Variants in CACNA1I observed in about 807,000 individuals in gnomAD.
CACNA1I encodes voltage-dependent T-type calcium channel subunit alpha-1I.
A neutral mutation model predicts 201.6 loss-of-function variants in CACNA1I; 74 were observed. The ratio of observed to expected loss-of-function variants is 0.37; its 90% CI spans 0.30 to 0.45. The LOEUF (loss-of-function observed/expected upper bound fraction) is 0.45. CACNA1I is among the 20% of genes least tolerant of loss of function. The pLI is 1.00. For missense variants in CACNA1I, 2,346 were observed against 3,138.1 expected, an observed-to-expected ratio of 0.75 and a Z score of 6.03; for synonymous variants, 1,431 against 1,345.2, an observed-to-expected ratio of 1.06 and a Z score of -1.40.
Position 39,619,296 on chromosome 22 carries a change from T to A in CACNA1I, c.483-14T>A. Reference sequence around the variant, plus strand: ...CTCCAGCACCATCCCTCACTCTCTCTCCTTTCTCTGCAGGATGGTCGAGTA... The same window carrying A: ...CTCCAGCACCATCCCTCACTCTCTCACCTTTCTCTGCAGGATGGTCGAGTA... On this transcript the variant is annotated splice_polypyrimidine_tract_variant and intron_variant, in intron 3 of 36. Transcript: ENST00000402142. The A allele has an allele frequency of 1.2e-6, 2 of 1,600,490 alleles. No homozygotes were observed. Among genetic ancestry groups the A allele is most frequent in the Non-Finnish European group, 1.7e-6 (2 of 1,174,182 alleles).
intron 31 of CACNA1I, among the ~76,000 whole-genome samples, chr22:39,678,719 G>A (rs116568598): frequency 3.9e-5 from 6 of 152,148 alleles, no homozygotes; most frequent in African/African-American, 1.4e-4. Context: ...GTGGTTGGGG[G>A]TTGAGCTGAA....
At chr22:39,595,651 G>A (rs999918034) in intron 1 of CACNA1I, among the ~76,000 whole-genome samples, 10 of 151,584 alleles carry the variant, frequency 6.6e-5, no homozygotes, top group South Asian at 2.1e-4. Context: ...TTAGAATCAC[G>A]TACGATAATC....
intron 10 of CACNA1I, 147 bp from the exon 11 acceptor site, chr22:39,658,005 G>A: frequency 1.3e-6 from 1 of 778,306 alleles, no homozygotes; most frequent in East Asian, 2.5e-5. Context: ...GGCCCTCGGG[G>A]CCTTGTGCAT....
At position 39,685,899 on chromosome 22, in the gene CACNA1I, C is replaced by T. The variant is rs1219796335; in HGVS notation, c.6166C>T (p.Arg2056Trp). Reference protein sequence around the residue: ...LGPPAPAPGPRAGLSPAARRR... With the variant: ...LGPPAPAPGPWAGLSPAARRR... Reference sequence around the variant, plus strand: ...GCCGCCCGCGCCTGCTCCAGGACCCCGGGCCGGCCTGTCCCCCGCCGCTCG... The same window carrying T: ...GCCGCCCGCGCCTGCTCCAGGACCCTGGGCCGGCCTGTCCCCCGCCGCTCG... Residue 2056 changes from arginine (R) to tryptophan (W), a missense_variant, in exon 37 of 37, where the codon CGG becomes TGG. Around this residue, in one of 13 missense-constraint regions of CACNA1I, gnomAD observed 441 missense variants for 555.6 expected, o/e 0.79. Coordinates refer to ENST00000402142, the MANE Select transcript of CACNA1I (RefSeq NM_021096.4). The surrounding 1 kb of genome is among the most constrained non-coding windows in gnomAD (Gnocchi z 5.0). 1.7e-5 allele frequency: 24 copies of T among 1,404,674 alleles called. No homozygotes were observed. Among genetic ancestry groups the T allele is most frequent in the Non-Finnish European group, 2.0e-5 (22 of 1,086,326 alleles). 87.0% of individuals were successfully genotyped at this position (1,404,674 alleles called of 1,614,324 possible). A position where few individuals can be genotyped will look rare whatever the true frequency, so the allele number is the denominator to read the frequency against.
intron 16 of CACNA1I, among the ~76,000 whole-genome samples, 177 bp from the exon 17 acceptor site, chr22:39,661,788 G>T (rs1055517559): frequency 1.1e-4 from 16 of 152,270 alleles, no homozygotes; most frequent in African/African-American, 3.9e-4. Context: ...CCCTGTGGAT[G>T]TGGATGGAGT....
At chr22:39,614,169 CA>C (rs1328470320) in intron 3 of CACNA1I, among the ~76,000 whole-genome samples, 1 of 152,136 alleles carries the variant, frequency 6.6e-6, no homozygotes, top group East Asian at 1.9e-4. Context: ...CCTTCTGTCT[CA>C]GTTTCTTCAT....
intron 1 of CACNA1I, among the ~76,000 whole-genome samples, chr22:39,590,420 T>C (rs756551127): frequency 3.3e-5 from 5 of 152,130 alleles, no homozygotes; most frequent in Non-Finnish European, 5.9e-5. Flanking sequence ...CCCCACTGCA[T>C]ACAACACAGG....
intron 18 of CACNA1I, 21 bp from the exon 19 acceptor site, chr22:39,663,697 G>GCCGCC: frequency 9.5e-5 from 151 of 1,592,320 alleles, no homozygotes; most frequent in Non-Finnish European, 1.2e-4. Flanking sequence ...CGCTCAGGCA[G>GCCGCC]CCCCCGCCCA....
At chr22:39,585,393 T>C (rs1255899840) in intron 1 of CACNA1I, among the ~76,000 whole-genome samples, 3 of 139,232 alleles carry the variant, frequency 2.2e-5, no homozygotes, top group Non-Finnish European at 4.7e-5. Flanking sequence ...TTTCTTTTTT[T>C]TTTTTTTTTT....
intron 28 of CACNA1I, among the ~76,000 whole-genome samples, chr22:39,673,497 C>T (rs1288723516): frequency 6.6e-6 from 1 of 152,226 alleles, no homozygotes; most frequent in Admixed American, 6.5e-5. Context: ...CTTCTCCCTC[C>T]CCTCAAGGTA....
intron 7 of CACNA1I, among the ~76,000 whole-genome samples, chr22:39,645,810 C>A (rs375550557): frequency 3.9e-5 from 6 of 152,220 alleles, no homozygotes; most frequent in African/African-American, 1.4e-4. Flanking sequence ...GTGGAGCCCT[C>A]GGGCCACAAG....
At chr22:39,582,278 G>C (rs901185911) in intron 1 of CACNA1I, among the ~76,000 whole-genome samples, 1 of 152,094 alleles carries the variant, frequency 6.6e-6, no homozygotes, top group Non-Finnish European at 1.5e-5. Flanking sequence ...CATAAAATTG[G>C]GGTGGGGTGG....
chr22:39,683,861 G>T (rs1253868636), intron 35 of CACNA1I, among the ~76,000 whole-genome samples: 4 of 152,204 alleles, frequency 2.6e-5, no homozygotes, highest in Non-Finnish European at 5.9e-5. Context: ...TCCCACAGTA[G>T]CCCCCAGGCC....
In CACNA1I at chr22:39,687,649, CT is replaced by C. The variant is rs1935926863; in HGVS notation, c.*1245del. 6.6e-6 allele frequency: 1 copy of C among 152,356 alleles called. No homozygotes were observed. The highest frequency in any genetic ancestry group is 6.5e-5 in the Admixed American group (1 of 15,288). 9.4% of individuals were successfully genotyped at this position (152,356 alleles called of 1,614,324 possible). A position where few individuals can be genotyped will look rare whatever the true frequency, so the allele number is the denominator to read the frequency against. ...ATCTTCCCACCCCACCTGCCAGCCCCTGTCTCTCCTCCCCGCTGCCCCTAAC... is the reference window on the plus strand; with the variant it reads ...ATCTTCCCACCCCACCTGCCAGCCCCGTCTCTCCTCCCCGCTGCCCCTAAC... On this transcript the variant is annotated 3_prime_UTR_variant, in exon 37 of 37. Transcript: ENST00000402142.
rs1479958448 is a variant in CACNA1I at position 39,684,624 on chromosome 22, A to G, written c.6027+126A>G. 2 of 1,053,480 alleles carry G rather than the reference A, an allele frequency of 1.9e-6. No individual in the cohort carries two copies. Among genetic ancestry groups the G allele is most frequent in the African/African-American group, 3.2e-5 (2 of 63,330 alleles). 65.3% of individuals were successfully genotyped at this position (1,053,480 alleles called of 1,614,324 possible). A position where few individuals can be genotyped will look rare whatever the true frequency, so the allele number is the denominator to read the frequency against. ...CCAAAGGCCGAGGGCACCACCGTGC[A>G]AGGGGGTTTGGGAACGCTGGGGTGA... On this transcript the variant is annotated intron_variant, in intron 36 of 36. Coordinates refer to ENST00000402142, the MANE Select transcript of CACNA1I (RefSeq NM_021096.4). The surrounding 1 kb of genome is among the most constrained non-coding windows in gnomAD (Gnocchi z 4.6).
At chr22:39,650,021 T>A in intron 10 of CACNA1I, 96 bp downstream of exon 10, 1 of 1,327,230 alleles carries the variant, frequency 7.5e-7, no homozygotes, top group South Asian at 1.2e-5. Context: ...TGCCTGGGTT[T>A]GTGTGTCTGT....
rs569040872 is a variant in CACNA1I at position 39,686,829 on chromosome 22, C to G, written c.*424C>G. On this transcript the variant is annotated 3_prime_UTR_variant, in exon 37 of 37. Transcript: ENST00000402142. ...CCCCAGGGCACATGTCCTGCGGGGG[C>G]GTCCCAGCTGTGTTTTTTGATGTCT... 2.6e-5 allele frequency: 4 copies of G among 151,668 alleles called. No homozygotes were observed. The highest frequency in any genetic ancestry group is 5.9e-5 in the Non-Finnish European group (4 of 67,914). The allele number at this position is 151,668 out of a possible 1,614,324, so 9.4% of individuals were successfully genotyped here.
At position 39,665,614 on chromosome 22, in the gene CACNA1I, T is replaced by G; in HGVS notation, c.3968T>G (p.Leu1323Arg). 6.2e-7 allele frequency: 1 copy of G among 1,613,772 alleles called. No individual in the cohort carries two copies. The highest frequency in any genetic ancestry group is 8.5e-7 in the Non-Finnish European group (1 of 1,179,750). Residue 1323 changes from leucine to arginine, a missense_variant, in exon 22 of 37, where the codon CTG becomes CGG. By Grantham distance (102) the Leu-to-Arg change is moderately radical. Coordinates refer to ENST00000402142, the MANE Select transcript of CACNA1I (RefSeq NM_021096.4). The surrounding 1 kb of genome is among the most constrained non-coding windows in gnomAD (Gnocchi z 5.5). The stretch of plus-strand genomic sequence containing the variant: ...GCCTTCTTCATCATCTTTGGCATCC[T>G]GGGAGTGCAGGTGAGGGGTGCCCAG... Reference protein sequence around the residue: ...CCAFFIIFGILGVQLFKGKFY... With the variant: ...CCAFFIIFGIRGVQLFKGKFY...
intron 1 of CACNA1I, among the ~76,000 whole-genome samples, chr22:39,581,178 G>A (rs571348056): frequency 1.3e-5 from 2 of 152,312 alleles, no homozygotes; most frequent in South Asian, 4.1e-4. Flanking sequence ...CATGAAGAAG[G>A]AAGCCTCAGA....
Sources: allele counts gnomAD v4.1 joint callset (sites outside exome capture counted in the v4.1 genomes callset), GRCh38; gene constraint gnomAD v4.1.1; regional missense constraint gnomAD v4.1.1; non-coding constraint Gnocchi (gnomAD v3.1); transcripts MANE v1.5; gene names NCBI Gene and HGNC (gene_info 2026-07-23, HGNC 2026-07-21).